RBFOX3: variants seen among roughly 807,000 people sequenced by gnomAD.
RBFOX3 encodes RNA binding protein fox-1 homolog 3.
A neutral mutation model predicts 48.7 loss-of-function variants in RBFOX3; 17 were observed. The observed-to-expected ratio is 0.35, with a 90% CI of 0.24 to 0.52. The LOEUF (loss-of-function observed/expected upper bound fraction) is 0.52. Ranked by LOEUF, RBFOX3 falls within the 20% of genes least tolerant of loss-of-function variation. The pLI, the probability that RBFOX3 is intolerant of heterozygous loss-of-function variation, is 0.94. For synonymous variants in RBFOX3, 212 were observed against 209.5 expected, an observed-to-expected ratio of 1.01 and a Z score of -0.10; for missense variants, 382 against 497.5, an observed-to-expected ratio of 0.77 and a Z score of 2.21.
chr17:79,448,828 C>A (rs557324112), intron 2 of RBFOX3, among the ~76,000 whole-genome samples: 1 of 152,180 alleles, frequency 6.6e-6, no homozygotes, highest in Non-Finnish European at 1.5e-5. Context: ...CTCCCTCTCC[C>A]CACCTGGACG....
chr17:79,549,881 A>G (rs895464002), intron 1 of RBFOX3, among the ~76,000 whole-genome samples: 7 of 152,196 alleles, frequency 4.6e-5, no homozygotes, highest in Admixed American at 2.6e-4. Context: ...GGCTTTAGTG[A>G]TATGATGGAT....
Position 79,103,714 on chromosome 17 carries a change from C to G in RBFOX3, c.414+359G>C, listed in dbSNP as rs2076865170. On this transcript the variant is annotated intron_variant, in intron 7 of 14. Coordinates refer to ENST00000693108, the MANE Select transcript of RBFOX3 (RefSeq NM_001350451.2). This position sits in a 1 kb window ranked among gnomAD's most constrained non-coding sequence, Gnocchi z 6.1. Reference sequence around the variant, plus strand: ...CCTGGAAGGGGAGTAGGGCTTGTCTCCGCCGGACACCCTCCCCAGCCTGCC... The same window carrying G: ...CCTGGAAGGGGAGTAGGGCTTGTCTGCGCCGGACACCCTCCCCAGCCTGCC... 6.6e-6 allele frequency among the ~76,000 whole-genome samples: 1 copy of G among 152,040 alleles called. No individual in the cohort carries two copies. The highest frequency in any genetic ancestry group is 1.5e-5 in the Non-Finnish European group (1 of 67,968).
chr17:79,527,640 G>T (rs2086977969), intron 1 of RBFOX3, among the ~76,000 whole-genome samples: 1 of 152,208 alleles, frequency 6.6e-6, no homozygotes, highest in Non-Finnish European at 1.5e-5. Context: ...CATGAAAATG[G>T]CTCCTTATGC....
intron 2 of RBFOX3, among the ~76,000 whole-genome samples, chr17:79,328,491 C>A (rs868484486): frequency 1.3e-5 from 2 of 152,148 alleles, no homozygotes; most frequent in South Asian, 4.1e-4. Context: ...GAACAGAATT[C>A]ATCACTGTAT....
chr17:79,315,456 G>A (rs1487584776), intron 2 of RBFOX3, among the ~76,000 whole-genome samples: 2 of 152,208 alleles, frequency 1.3e-5, no homozygotes, highest in African/African-American at 4.8e-5. Flanking sequence ...GAGGGGACGT[G>A]AAAAGAGCCA....
intron 2 of RBFOX3, among the ~76,000 whole-genome samples, chr17:79,387,400 AAC>A (rs1319341363): frequency 6.6e-6 from 1 of 152,210 alleles, no homozygotes; most frequent in Non-Finnish European, 1.5e-5. Context: ...CACTCTGGGG[AAC>A]ACTCATCAGA....
chr17:79,156,836 G>A (rs1015834216), intron 4 of RBFOX3, among the ~76,000 whole-genome samples: 1 of 152,184 alleles, frequency 6.6e-6, no homozygotes, highest in African/African-American at 2.4e-5. Context: ...CTTGGCTTCT[G>A]CTGATGGGAA....
the RBFOX3 span, among the ~76,000 whole-genome samples, chr17:79,639,495 C>T: frequency 6.6e-6 from 1 of 152,154 alleles, no homozygotes; most frequent in Non-Finnish European, 1.5e-5. Context: ...TTTTATGAGG[C>T]TAGCATCACC....
At chr17:79,597,874 T>C (rs2145246292) in intron 1 of RBFOX3, among the ~76,000 whole-genome samples, 1 of 152,272 alleles carries the variant, frequency 6.6e-6, no homozygotes, top group African/African-American at 2.4e-5. Flanking sequence ...GCAGGGGGCA[T>C]TTAGGGCAAA....
chr17:79,245,720 T>G (rs111467802), intron 3 of RBFOX3, among the ~76,000 whole-genome samples: 18,532 of 149,840 alleles, frequency 0.12, 1,471 homozygotes, highest in Middle Eastern at 0.27. Flanking sequence ...CTCCACCTCC[T>G]GGGTTCAAGC....
At chr17:79,341,992 T>G (rs950858352) in intron 2 of RBFOX3, among the ~76,000 whole-genome samples, 3 of 152,236 alleles carry the variant, frequency 2.0e-5, no homozygotes, top group Admixed American at 6.5e-5. Flanking sequence ...GAGGGTGTCC[T>G]CCATGGCTGG....
intron 2 of RBFOX3, among the ~76,000 whole-genome samples, chr17:79,393,145 A>G (rs1318668551): frequency 6.6e-6 from 1 of 152,250 alleles, no homozygotes; most frequent in East Asian, 1.9e-4. Context: ...AAGAGATAGA[A>G]CATAGCAGAG....
intron 5 of RBFOX3, among the ~76,000 whole-genome samples, chr17:79,107,426 G>GGGTGGTCGGGACC (rs1162933464): frequency 6.6e-6 from 1 of 152,214 alleles, no homozygotes; most frequent in East Asian, 1.9e-4. Context: ...GGGCAGATGG[G>GGGTGGTCGGGACC]CTCCCAAAGA....
intron 3 of RBFOX3, among the ~76,000 whole-genome samples, chr17:79,293,572 C>A (rs1455812441): frequency 6.6e-6 from 1 of 151,982 alleles, no homozygotes; most frequent in Admixed American, 6.5e-5. Context: ...CCTGCCTCAG[C>A]CTCCTGAGTA....
chr17:79,145,210 C>A (rs1244124513), intron 4 of RBFOX3, among the ~76,000 whole-genome samples: 3 of 152,202 alleles, frequency 2.0e-5, no homozygotes, highest in South Asian at 2.1e-4. Flanking sequence ...GGACCCCCAA[C>A]ACAGGAGCCT....
chr17:79,229,579 AAAAGAC>A (rs1431300508), intron 4 of RBFOX3, among the ~76,000 whole-genome samples: 16 of 150,070 alleles, frequency 1.1e-4, no homozygotes, highest in African/African-American at 4.0e-4. Flanking sequence ...AAAAAAAAAA[AAAAGAC>A]AGGAGAGCTC....
At chr17:79,665,546 C>T in the RBFOX3 span, among the ~76,000 whole-genome samples, 7 of 152,214 alleles carry the variant, frequency 4.6e-5, no homozygotes. Context: ...GCCTCTGGCT[C>T]TGACAGGCTT....
intron 4 of RBFOX3, among the ~76,000 whole-genome samples, chr17:79,182,587 C>A (rs941171820): frequency 6.6e-6 from 1 of 151,650 alleles, no homozygotes; most frequent in Non-Finnish European, 1.5e-5. Flanking sequence ...TCTGTGCGCA[C>A]CTCCCCACGG....
the RBFOX3 span, among the ~76,000 whole-genome samples, chr17:79,652,010 T>G: frequency 6.6e-6 from 1 of 151,548 alleles, no homozygotes; most frequent in South Asian, 2.1e-4. Flanking sequence ...ATGCCCTAGA[T>G]GCCCCCAGCC....
Sources: allele counts gnomAD v4.1 joint callset (sites outside exome capture counted in the v4.1 genomes callset), GRCh38; gene constraint gnomAD v4.1.1; non-coding constraint Gnocchi (gnomAD v3.1); transcripts MANE v1.5; gene names NCBI Gene and HGNC (gene_info 2026-07-23, HGNC 2026-07-21).